Variants in B4GALT5 observed in about 807,000 individuals in gnomAD.
B4GALT5 encodes the protein beta-1,4-galactosyltransferase 5, also known as UDP-Gal:beta-GlcNAc beta-1,4-galactosyltransferase 5.
B4GALT5 carries 11 observed loss-of-function variants against 45.0 expected under a neutral mutation model. The observed-to-expected ratio is 0.24, with a 90% CI of 0.15 to 0.40. B4GALT5 has a LOEUF of 0.40. B4GALT5 is among the 10% of genes least tolerant of loss of function. The probability of loss-of-function intolerance (pLI) is 1.00; values close to 1 mark genes in which losing one functional copy is unlikely to be tolerated. For synonymous variants in B4GALT5, 185 were observed against 182.9 expected (o/e 1.01, Z -0.09); for missense variants, 337 against 500.2 (o/e 0.67, Z 3.11).
chr20:49,685,011 T>C (rs1011226836), intron 1 of B4GALT5, among the ~76,000 whole-genome samples: 3 of 152,204 alleles, frequency 2.0e-5, no homozygotes, highest in Non-Finnish European at 4.4e-5. Flanking sequence ...ACACAGAGTT[T>C]CCATGCTGTT....
chr20:49,712,166 G>A (rs919226905), intron 1 of B4GALT5, among the ~76,000 whole-genome samples: 3 of 152,282 alleles, frequency 2.0e-5, no homozygotes, highest in Middle Eastern at 3.4e-3. Context: ...TGTAATAGCT[G>A]CCTTTATTTA....
intron 1 of B4GALT5, among the ~76,000 whole-genome samples, chr20:49,708,112 G>C (rs987126736): frequency 1.3e-5 from 2 of 151,290 alleles, no homozygotes; most frequent in African/African-American, 4.9e-5. Context: ...GGGCATGGTG[G>C]CAGGCGCCTG....
At chr20:49,682,049 T>C (rs1007558990) in intron 1 of B4GALT5, among the ~76,000 whole-genome samples, 7 of 152,184 alleles carry the variant, frequency 4.6e-5, no homozygotes, top group Non-Finnish European at 8.8e-5. Flanking sequence ...TGAGCTTCCA[T>C]TGCATCACTG....
At chr20:49,665,658 C>T (rs1003067778) in intron 1 of B4GALT5, among the ~76,000 whole-genome samples, 6 of 149,794 alleles carry the variant, frequency 4.0e-5, no homozygotes, top group Non-Finnish European at 7.4e-5. Context: ...TAAAGAGATA[C>T]AAGTAAGACA....
chr20:49,707,977 C>A (rs2085891839), intron 1 of B4GALT5, among the ~76,000 whole-genome samples: 1 of 149,168 alleles, frequency 6.7e-6, no homozygotes, highest in Non-Finnish European at 1.5e-5. Flanking sequence ...CACCTCTAAT[C>A]CCAGCACTTT....
At chr20:49,708,735 CA>C (rs1403642681) in intron 1 of B4GALT5, among the ~76,000 whole-genome samples, 1 of 152,118 alleles carries the variant, frequency 6.6e-6, no homozygotes, top group Admixed American at 6.6e-5. Flanking sequence ...ACCACGAGGT[CA>C]GGAGTTCAAG....
intron 1 of B4GALT5, among the ~76,000 whole-genome samples, chr20:49,657,630 T>C (rs1225287842): frequency 6.6e-6 from 1 of 152,214 alleles, no homozygotes; most frequent in East Asian, 1.9e-4. Context: ...GTGGAACATT[T>C]ACAAATCTAA....
At chr20:49,696,441 C>T (rs975786711) in intron 1 of B4GALT5, among the ~76,000 whole-genome samples, 1 of 152,174 alleles carries the variant, frequency 6.6e-6, no homozygotes, top group Admixed American at 6.5e-5. Flanking sequence ...TCCACATTAT[C>T]GGTAAAGACA....
In B4GALT5 at chr20:49,644,402, GAGA is replaced by G. The variant is rs561965127; in HGVS notation, c.365-755_365-753del. ...CACCTGGCTGCAGCTGAGCTTTTCT[GAGA>G]AGAAGGAGAAAAGCAGCTGAGCTTA... On this transcript the variant is annotated intron_variant, in intron 3 of 8. Transcript: ENST00000371711. Among the ~76,000 whole-genome samples the G allele has an allele frequency of 4.4e-4, 67 of 152,214 alleles. 1 individual carries two copies. The South Asian group carries it at 4.8e-3, about 11-fold the overall frequency.
intron 1 of B4GALT5, among the ~76,000 whole-genome samples, chr20:49,694,782 C>T (rs1437094661): frequency 6.6e-6 from 1 of 152,046 alleles, no homozygotes; most frequent in Non-Finnish European, 1.5e-5. Flanking sequence ...TGCATATGCA[C>T]AATTTCATCC....
intron 1 of B4GALT5, among the ~76,000 whole-genome samples, chr20:49,690,761 T>C (rs6125716): frequency 0.016 from 2,445 of 152,300 alleles, 39 homozygotes; most frequent in East Asian, 0.083. Flanking sequence ...CCGATTGATA[T>C]GTTCAACACA....
intron 1 of B4GALT5, among the ~76,000 whole-genome samples, chr20:49,679,023 C>T (rs1273408439): frequency 1.3e-5 from 2 of 152,156 alleles, no homozygotes; most frequent in East Asian, 3.8e-4. Flanking sequence ...GGGAGGGTAA[C>T]ATAAAGCCAA....
chr20:49,641,982 A>C (rs1016549451), intron 5 of B4GALT5, among the ~76,000 whole-genome samples: 1 of 152,100 alleles, frequency 6.6e-6, no homozygotes, highest in Non-Finnish European at 1.5e-5. Flanking sequence ...GGTCTTCTTC[A>C]GTTTGTGACC....
At chr20:49,704,215 CCT>C (rs2085874688) in intron 1 of B4GALT5, among the ~76,000 whole-genome samples, 1 of 152,074 alleles carries the variant, frequency 6.6e-6, no homozygotes, top group African/African-American at 2.4e-5. Context: ...AAAAAATAAC[CCT>C]GTCTCTCCAT....
At chr20:49,684,286 G>A (rs1412370659) in intron 1 of B4GALT5, among the ~76,000 whole-genome samples, 1 of 152,070 alleles carries the variant, frequency 6.6e-6, no homozygotes, top group Non-Finnish European at 1.5e-5. Flanking sequence ...AAGTTGGCTG[G>A]GCGCGGTGGC....
rs1266522531 is a variant in B4GALT5 at position 49,634,130 on chromosome 20, A to G, written c.*2182T>C. On this transcript the variant is annotated 3_prime_UTR_variant, in exon 9 of 9. Coordinates refer to ENST00000371711, the MANE Select transcript of B4GALT5 (RefSeq NM_004776.4). ...GGAACCTGCTCTCTCATATGAGCCG[A>G]TAAGAGCTTTGCAATGCAATTTATT... The G allele has an allele frequency of 1.3e-5, 2 of 152,658 alleles. No individual in the cohort carries two copies. Among genetic ancestry groups the G allele is most frequent in the Admixed American group, 6.5e-5 (1 of 15,288 alleles). The allele number at this position is 152,658 out of a possible 1,614,324, so 9.5% of individuals were successfully genotyped here.
intron 4 of B4GALT5, among the ~76,000 whole-genome samples, chr20:49,643,114 T>C (rs561868339): frequency 4.2e-4 from 64 of 152,372 alleles, no homozygotes; most frequent in Non-Finnish European, 8.4e-4. Flanking sequence ...TGATGTCTTC[T>C]GACTATGGTC....
chr20:49,672,391 A>G (rs2085719733), intron 1 of B4GALT5, among the ~76,000 whole-genome samples: 1 of 152,254 alleles, frequency 6.6e-6, no homozygotes, highest in Non-Finnish European at 1.5e-5. Flanking sequence ...CTTCTAAGGC[A>G]CACACACTTA....
At chr20:49,646,899 G>C (rs958148498) in intron 3 of B4GALT5, 66 bp downstream of exon 3, 38 of 973,518 alleles carry the variant, frequency 3.9e-5, no homozygotes, top group East Asian at 1.3e-4. Context: ...CAGACAGAGA[G>C]ATCAAGAGTG....
Sources: gnomAD v4.1 joint callset for allele counts (sites outside exome capture counted in the v4.1 genomes callset) on GRCh38, gnomAD v4.1.1 for gene constraint, MANE v1.5 for transcripts, NCBI Gene and HGNC (gene_info 2026-07-23, HGNC 2026-07-21) for gene names.